Variants in DLGAP5 observed in about 807,000 individuals in gnomAD.
DLGAP5 encodes the protein disks large-associated protein 5.
Under a neutral mutation model 99.6 loss-of-function variants are expected in DLGAP5, and 90 were observed. The observed-to-expected ratio is 0.90, with a 90% confidence interval of 0.76 to 1.08. The LOEUF (loss-of-function observed/expected upper bound fraction) is 1.08. DLGAP5 is among the 50% of genes least tolerant of loss of function. The pLI, the probability that DLGAP5 is intolerant of heterozygous loss-of-function variation, is 0.00. For synonymous variants in DLGAP5, 311 were observed against 321.3 expected (o/e 0.97, Z 0.34); for missense variants, 1,036 against 983.5 (o/e 1.05, Z -0.71).
intron 10 of DLGAP5, 142 bp downstream of exon 10, chr14:55,175,204 C>CA: frequency 1.4e-6 from 1 of 696,540 alleles, no homozygotes; most frequent in Non-Finnish European, 2.3e-6. Context: ...TACTAGTTAT[C>CA]AAAAAAATAA....
At chr14:55,165,196 T>C (rs1347660394) in intron 12 of DLGAP5, among the ~76,000 whole-genome samples, 1 of 152,028 alleles carries the variant, frequency 6.6e-6, no homozygotes, top group African/African-American at 2.4e-5. Context: ...AAAAAGATAC[T>C]TAATATCATT....
At chr14:55,148,508 C>A in intron 18 of DLGAP5, 35 bp from the exon 19 acceptor site, 1 of 1,613,122 alleles carries the variant, frequency 6.2e-7, no homozygotes, top group African/African-American at 1.3e-5. Context: ...AGTAAAGTAT[C>A]CATCAAGAGT....
In DLGAP5 at chr14:55,158,761, T is replaced by C. The variant is rs1382181516; in HGVS notation, c.1654-20A>G. ...TTTTTTCTGCAAAGAGAAACTAACA[T>C]AGTAAAGCTGCCCATTACCATCTTA... On this transcript the variant is annotated intron_variant, in intron 13 of 18. Coordinates refer to ENST00000247191, the MANE Select transcript of DLGAP5 (RefSeq NM_014750.5). 5 of 1,574,396 alleles carry C rather than the reference T, an allele frequency of 3.2e-6. No homozygotes were observed. The highest frequency in any genetic ancestry group is 2.7e-5 in the African/African-American group (2 of 74,080).
chr14:55,158,008 C>CT (rs1350378563), intron 14 of DLGAP5, among the ~76,000 whole-genome samples: 2 of 152,198 alleles, frequency 1.3e-5, no homozygotes, highest in East Asian at 3.8e-4. Context: ...AGTGATCCTC[C>CT]TGCCTTGGTC....
intron 18 of DLGAP5, chr14:55,148,799 GTTTT>G (rs902725631): frequency 2.8e-6 from 1 of 357,880 alleles, no homozygotes; most frequent in Non-Finnish European, 5.3e-6. Flanking sequence ...GTATATTACA[GTTTT>G]TTTTATTGGA....
At chr14:55,186,798 T>C (rs950712941) in intron 2 of DLGAP5, among the ~76,000 whole-genome samples, 7 of 152,224 alleles carry the variant, frequency 4.6e-5, no homozygotes, top group South Asian at 2.1e-4. Context: ...CTGACTAACA[T>C]AGTTAATCAG....
At chr14:55,185,277 G>C (rs1883394945) in intron 2 of DLGAP5, among the ~76,000 whole-genome samples, 1 of 152,228 alleles carries the variant, frequency 6.6e-6, no homozygotes, top group South Asian at 2.1e-4. Flanking sequence ...TCGGCTCAAT[G>C]CATCCTCGGC....
intron 12 of DLGAP5, among the ~76,000 whole-genome samples, chr14:55,165,587 GC>G (rs1882612380): frequency 6.6e-6 from 1 of 151,944 alleles, no homozygotes; most frequent in Non-Finnish European, 1.5e-5. Context: ...CACTAGGATG[GC>G]TATGCAACAA....
At chr14:55,160,819 A>G (rs1882399084) in intron 13 of DLGAP5, among the ~76,000 whole-genome samples, 1 of 152,206 alleles carries the variant, frequency 6.6e-6, no homozygotes, top group Non-Finnish European at 1.5e-5. Flanking sequence ...TAACTATTCT[A>G]AAGTTATAGG....
intron 2 of DLGAP5, 117 bp from the exon 3 acceptor site, chr14:55,183,870 A>G: frequency 8.9e-7 from 1 of 1,119,010 alleles, no homozygotes; most frequent in East Asian, 2.9e-5. Context: ...AAATGCTTTC[A>G]GGCCAGGCAC....
chr14:55,181,381 T>C (rs1360967240), intron 4 of DLGAP5, 84 bp from the exon 5 acceptor site: 48 of 1,105,170 alleles, frequency 4.3e-5, no homozygotes, highest in Middle Eastern at 2.0e-4. Flanking sequence ...TGATTCCTCA[T>C]ATGAAATCTG....
At chr14:55,161,874 CAAAAAAAAAAAA>C (rs34002442) in intron 13 of DLGAP5, among the ~76,000 whole-genome samples, 1 of 37,960 alleles carries the variant, frequency 2.6e-5, no homozygotes, top group Non-Finnish European at 4.5e-5. Flanking sequence ...AACTCTGTCT[CAAAAAAAAAAAA>C]AAAAAAAAAA....
intron 18 of DLGAP5, 138 bp from the exon 19 acceptor site, chr14:55,148,611 C>T (rs531474267): frequency 7.7e-5 from 118 of 1,533,484 alleles, no homozygotes; most frequent in Admixed American, 7.2e-4. Flanking sequence ...CCCAGCTACT[C>T]GGGAGGCTGA....
Position 55,180,670 on chromosome 14 carries a change from G to T in DLGAP5, c.689C>A (p.Thr230Lys). Residue 230 changes from threonine (T) to lysine (K), a missense_variant, in exon 6 of 19, where the codon ACA (threonine) becomes AAA (lysine). Thr to Lys is a moderately conservative substitution (Grantham distance 78). Coordinates refer to ENST00000247191, the MANE Select transcript of DLGAP5 (RefSeq NM_014750.5). ...VSSTTARKPVTRAANENEPEG... is the reference protein window; with the variant it reads ...VSSTTARKPVKRAANENEPEG... ...ATAGTTCTCACCATTAGCAGCTCTT[G>T]TGACTGGCTTTCTTGCTGTGGTAGA... 4 of 1,614,178 alleles carry T rather than the reference G, an allele frequency of 2.5e-6. No individual in the cohort carries two copies. The African/African-American group carries it at 5.3e-5, about 22-fold the overall frequency.
intron 13 of DLGAP5, among the ~76,000 whole-genome samples, chr14:55,161,209 A>G (rs543839763): frequency 6.6e-6 from 1 of 152,190 alleles, no homozygotes; most frequent in South Asian, 2.1e-4. Flanking sequence ...CAGAATTACA[A>G]ATCTCTATAG....
Position 55,175,497 on chromosome 14 carries a change from T to G in DLGAP5, c.1175-25A>C, listed in dbSNP as rs750166216. ...TCTATAAATTAAAGAAAATCTTACA[T>G]ATAAATTTCAAAGCAACAATTCCTA... On this transcript the variant is annotated intron_variant, in intron 9 of 18. Coordinates refer to ENST00000247191, the MANE Select transcript of DLGAP5 (RefSeq NM_014750.5). 6.0e-6 allele frequency: 7 copies of G among 1,167,208 alleles called. 1 individual carries two copies. In the African/African-American group the frequency reaches 6.4e-5, roughly 11 times the overall value. The allele number at this position is 1,167,208 out of a possible 1,614,324, so 72.3% of individuals were successfully genotyped here.
chr14:55,181,921 A>C (rs1238349762), intron 4 of DLGAP5, among the ~76,000 whole-genome samples: 1 of 152,210 alleles, frequency 6.6e-6, no homozygotes, highest in South Asian at 2.1e-4. Flanking sequence ...AGCAATGCAA[A>C]ATATATATGC....
intron 15 of DLGAP5, 114 bp downstream of exon 15, chr14:55,154,503 T>C (rs1007461255): frequency 2.4e-6 from 2 of 841,958 alleles, no homozygotes; most frequent in Non-Finnish European, 3.8e-6. Context: ...TGTTGCAGGG[T>C]CATTATGAAA....
intron 17 of DLGAP5, among the ~76,000 whole-genome samples, chr14:55,151,414 G>A (rs188709171): frequency 1.4e-3 from 220 of 152,174 alleles, no homozygotes; most frequent in South Asian, 2.9e-3. Flanking sequence ...TTAGCTAGGC[G>A]CGGTGGTACA....
Sources: allele counts gnomAD v4.1 joint callset (sites outside exome capture counted in the v4.1 genomes callset), GRCh38; gene constraint gnomAD v4.1.1; transcripts MANE v1.5; gene names NCBI Gene and HGNC (gene_info 2026-07-23, HGNC 2026-07-21).